Variants in CSDE1 observed in about 807,000 individuals in gnomAD.
The protein encoded by CSDE1 is cold shock domain containing E1.
In CSDE1, 17 loss-of-function variants were observed where a neutral mutation model predicts 89.3. The observed-to-expected ratio is 0.19, with a 90% confidence interval of 0.13 to 0.29. The LOEUF is 0.29. Among genes scored for constraint, CSDE1 ranks in the 10% least tolerant of loss-of-function variants. CSDE1 has a pLI of 1.00. For synonymous variants in CSDE1, 322 were observed against 332.8 expected (o/e 0.97, Z 0.35); for missense variants, 672 against 984.2 (o/e 0.68, Z 4.24).
At chr1:114,727,826 A>G (rs1038430328) in intron 12 of CSDE1, 3 of 152,130 alleles carry the variant, frequency 2.0e-5, no homozygotes, top group African/African-American at 2.4e-5. Flanking sequence ...GACTAAAAAA[A>G]TAAAAGTCTA....
chr1:114,753,205 G>A (rs1374315667), intron 1 of CSDE1, among the ~76,000 whole-genome samples: 2 of 152,116 alleles, frequency 1.3e-5, no homozygotes, highest in African/African-American at 4.8e-5. Flanking sequence ...CACTTGAACT[G>A]GATTAACCCA....
intron 16 of CSDE1, among the ~76,000 whole-genome samples, chr1:114,723,530 G>A (rs1659638822): frequency 6.6e-6 from 1 of 152,096 alleles, no homozygotes; most frequent in South Asian, 2.1e-4. Flanking sequence ...ATACAGAACT[G>A]AATGCTTACT....
intron 16 of CSDE1, 131 bp from the exon 17 acceptor site, chr1:114,720,848 A>G: frequency 1.3e-6 from 1 of 765,978 alleles, no homozygotes; most frequent in Non-Finnish European, 2.0e-6. Context: ...CAGTACTCAG[A>G]AGTTTCACCT....
At position 114,732,658 on chromosome 1, in the gene CSDE1, G is replaced by T; in HGVS notation, c.996C>A (p.Thr332=). The T allele has an allele frequency of 1.9e-6, 3 of 1,614,050 alleles. No individual in the cohort carries two copies. The highest frequency in any genetic ancestry group is 2.5e-6 in the Non-Finnish European group (3 of 1,180,016). Residue 332 remains threonine, a synonymous_variant, in exon 10 of 20, where the codon ACC becomes ACA. Transcript: ENST00000358528. Reference sequence around the variant, plus strand: ...ATGTATTTGACAGAACTTCTATATTGGTTGCTCGCTCTAATTTGTCACGTC... The same window carrying T: ...ATGTATTTGACAGAACTTCTATATTTGTTGCTCGCTCTAATTTGTCACGTC... ...TDRRDKLERA[T]NIEVLSNTFQ... is the part of the protein sequence containing the mutation.
At chr1:114,722,113 C>G (rs1025972396) in intron 16 of CSDE1, among the ~76,000 whole-genome samples, 1 of 152,110 alleles carries the variant, frequency 6.6e-6, no homozygotes, top group Non-Finnish European at 1.5e-5. Context: ...AACTCCTGAC[C>G]TTCAGGTGAT....
chr1:114,735,300 T>TA (rs2101045709), intron 6 of CSDE1, among the ~76,000 whole-genome samples: 1 of 152,316 alleles, frequency 6.6e-6, no homozygotes, highest in Non-Finnish European at 1.5e-5. Flanking sequence ...TTACTTCCCT[T>TA]AATTTTTCAC....
At chr1:114,747,056 G>A (rs1220228795) in intron 2 of CSDE1, among the ~76,000 whole-genome samples, 5 of 152,272 alleles carry the variant, frequency 3.3e-5, no homozygotes, top group South Asian at 4.1e-4. Context: ...CTAGGAGCGC[G>A]ACAGGAATTT....
chr1:114,753,171 T>A (rs1039140285), intron 1 of CSDE1, among the ~76,000 whole-genome samples: 4 of 152,178 alleles, frequency 2.6e-5, no homozygotes, highest in Non-Finnish European at 5.9e-5. Context: ...GAACTCAACA[T>A]GGAGAAAACA....
chr1:114,719,452 G>T, intron 18 of CSDE1, 127 bp downstream of exon 18: 2 of 1,000,512 alleles, frequency 2.0e-6, no homozygotes, highest in Non-Finnish European at 2.8e-6. Context: ...TCAACTAGAA[G>T]TAGGAAGTAT....
At chr1:114,718,922 C>G (rs1659354954) in intron 18 of CSDE1, 177 bp from the exon 19 acceptor site, 1 of 652,856 alleles carries the variant, frequency 1.5e-6, no homozygotes, top group Non-Finnish European at 2.5e-6. Flanking sequence ...GTATTATTAT[C>G]CCCAACTCAA....
intron 1 of CSDE1, among the ~76,000 whole-genome samples, chr1:114,752,422 A>C (rs537702247): frequency 1.3e-5 from 2 of 152,280 alleles, no homozygotes; most frequent in African/African-American, 4.8e-5. Flanking sequence ...TCCCGTACAA[A>C]GATTCTAAAT....
chr1:114,754,364 G>A (rs936175389), intron 1 of CSDE1, among the ~76,000 whole-genome samples: 3 of 152,168 alleles, frequency 2.0e-5, no homozygotes, highest in African/African-American at 4.8e-5. Context: ...TGACATAGTC[G>A]GCACTAAATG....
intron 19 of CSDE1, among the ~76,000 whole-genome samples, 174 bp from the exon 20 acceptor site, chr1:114,718,390 T>A (rs1659319033): frequency 6.6e-6 from 1 of 152,238 alleles, no homozygotes; most frequent in Admixed American, 6.5e-5. Context: ...ACCCATTCAT[T>A]ACCTAAACTG....
At chr1:114,757,807 C>A (rs1368365787) in intron 1 of CSDE1, 118 bp downstream of exon 1, 1 of 152,818 alleles carries the variant, frequency 6.5e-6, no homozygotes, top group Non-Finnish European at 1.5e-5. Flanking sequence ...TTCTTCCCCA[C>A]CTAGAGCTCT....
At chr1:114,753,248 A>C (rs538953722) in intron 1 of CSDE1, among the ~76,000 whole-genome samples, 1 of 152,272 alleles carries the variant, frequency 6.6e-6, no homozygotes, top group African/African-American at 2.4e-5. Flanking sequence ...AAGAACTGTC[A>C]AGTCCAAGAT....
Position 114,718,594 on chromosome 1 carries a change from G to A in CSDE1, c.2349+19C>T. The stretch of plus-strand genomic sequence containing the variant: ...TGGTCTATCAGTTGGCCTCCCCCAA[G>A]CCTTGTATGCCCTCATACCATTGAG... On this transcript the variant is annotated intron_variant, in intron 19 of 19. Coordinates refer to ENST00000358528, the MANE Select transcript of CSDE1 (RefSeq NM_001007553.3). 1 of 1,610,466 alleles carries A rather than the reference G, an allele frequency of 6.2e-7. No individual in the cohort carries two copies. Among genetic ancestry groups the A allele is most frequent in the Admixed American group, 1.7e-5 (1 of 59,168 alleles).
chr1:114,722,930 C>T (rs182992644), intron 16 of CSDE1, among the ~76,000 whole-genome samples: 3 of 152,294 alleles, frequency 2.0e-5, no homozygotes, highest in East Asian at 1.9e-4. Flanking sequence ...ACCTGCTATT[C>T]AGCACTTTAT....
At chr1:114,744,639 G>T (rs1055348882) in intron 2 of CSDE1, among the ~76,000 whole-genome samples, 1 of 151,840 alleles carries the variant, frequency 6.6e-6, no homozygotes, top group Non-Finnish European at 1.5e-5. Flanking sequence ...ACACCCCCAT[G>T]GATGAGTATA....
chr1:114,742,834 T>C (rs1024615751), intron 2 of CSDE1, among the ~76,000 whole-genome samples: 2 of 152,228 alleles, frequency 1.3e-5, no homozygotes, highest in African/African-American at 2.4e-5. Flanking sequence ...TCCCTGATAC[T>C]AATTCATGAT....
Sources: gnomAD v4.1 joint callset for allele counts (sites outside exome capture counted in the v4.1 genomes callset) on GRCh38, gnomAD v4.1.1 for gene constraint, MANE v1.5 for transcripts, NCBI Gene and HGNC (gene_info 2026-07-23, HGNC 2026-07-21) for gene names.